Variants in NFASC observed in about 807,000 individuals in gnomAD.
The protein encoded by NFASC is neurofascin.
Under a neutral mutation model 147.5 loss-of-function variants are expected in NFASC, and 43 were observed. That is an observed-to-expected ratio of 0.29 (90% CI 0.23 to 0.38). The LOEUF (loss-of-function observed/expected upper bound fraction) is 0.38. Ranked by LOEUF, NFASC falls within the 10% of genes least tolerant of loss-of-function variation. NFASC has a pLI of 1.00. For missense variants in NFASC, 1,320 were observed against 1,689.0 expected (o/e 0.78, Z 3.83); for synonymous variants, 622 against 665.5 (o/e 0.93, Z 1.01).
intron 1 of NFASC, among the ~76,000 whole-genome samples, chr1:204,854,945 G>A (rs2102737686): frequency 6.6e-6 from 1 of 152,392 alleles, no homozygotes; most frequent in Admixed American, 6.5e-5. Context: ...CAGTGATTGA[G>A]TGTGTGCTTT....
At chr1:204,962,173 T>C (rs113639014) in intron 8 of NFASC, 15 of 1,609,546 alleles carry the variant, frequency 9.3e-6, no homozygotes, top group Non-Finnish European at 1.3e-5. Context: ...GTCGCAGCGG[T>C]AACCTTGGGA....
At chr1:204,946,839 C>T in intron 3 of NFASC, 1 of 493,542 alleles carries the variant, frequency 2.0e-6, no homozygotes, top group Non-Finnish European at 4.1e-6. Flanking sequence ...GCATGCTACC[C>T]CACAAGACCA....
At chr1:204,848,291 C>T (rs551179907) in intron 1 of NFASC, among the ~76,000 whole-genome samples, 57 of 152,260 alleles carry the variant, frequency 3.7e-4, no homozygotes, top group Middle Eastern at 3.4e-3. Context: ...AGTGCAGTGG[C>T]GCAATTACAG....
At position 204,982,001 on chromosome 1, in the gene NFASC, C is replaced by T. The variant is rs576309017; in HGVS notation, c.2451C>T (p.Ile817=). 6.3e-6 allele frequency: 10 copies of T among 1,583,530 alleles called. No homozygotes were observed. The highest frequency in any genetic ancestry group is 3.6e-5 in the Admixed American group (2 of 56,276). ...AGGGCCCTGAGCCAGAGTCCGTCAT[C>T]GGTTACTCCGGAGAAGATTGTGAGT... The part of the protein sequence containing the change: ...FGKGPEPESV[I]GYSGEDLPSA... The change falls in exon 21 of 30, where the codon ATC becomes ATT. Residue 817 remains isoleucine (I), a synonymous_variant. Coordinates refer to ENST00000339876, the MANE Select transcript of NFASC (RefSeq NM_001005388.3).
intron 10 of NFASC, among the ~76,000 whole-genome samples, chr1:204,969,494 C>T (rs2095133789): frequency 6.6e-6 from 1 of 152,164 alleles, no homozygotes; most frequent in Admixed American, 6.5e-5. Flanking sequence ...TCATGGGTCC[C>T]CACCGTGTGT....
Position 205,016,264 on chromosome 1 carries a change from C to A in NFASC, c.3492-44C>A. Reference sequence around the variant, plus strand: ...GCATGTGCTGGCAGGAGGCCAGCTGCCCCATCTCACCCCACCTGAGATTCT... The same window carrying A: ...GCATGTGCTGGCAGGAGGCCAGCTGACCCATCTCACCCCACCTGAGATTCT... On this transcript the variant is annotated intron_variant, in intron 29 of 29. Transcript: ENST00000339876. This position sits in a 1 kb window ranked among gnomAD's most constrained non-coding sequence, Gnocchi z 5.1. 1 of 1,387,110 alleles carries A rather than the reference C, an allele frequency of 7.2e-7. No homozygotes were observed. The highest frequency in any genetic ancestry group is 1.0e-6 in the Non-Finnish European group (1 of 974,496). The allele number at this position is 1,387,110 out of a possible 1,614,324, so 85.9% of individuals were successfully genotyped here.
chr1:204,877,953 A>G (rs2079378308), intron 1 of NFASC, among the ~76,000 whole-genome samples: 1 of 152,176 alleles, frequency 6.6e-6, no homozygotes, highest in South Asian at 2.1e-4. Context: ...CAAACACTGC[A>G]GCCCTTGATG....
At chr1:204,927,678 G>C (rs1389327106) in intron 2 of NFASC, among the ~76,000 whole-genome samples, 1 of 152,070 alleles carries the variant, frequency 6.6e-6, no homozygotes, top group East Asian at 1.9e-4. Context: ...TTAGGGACCT[G>C]TCACACAAGA....
rs991214402 is a variant in NFASC at position 204,975,088 on chromosome 1, G to A, written c.1559-183G>A. On this transcript the variant is annotated intron_variant, in intron 14 of 29. Transcript: ENST00000339876. This position sits in a 1 kb window ranked among gnomAD's most constrained non-coding sequence, Gnocchi z 4.0. ...CCTGAGCCAGATGGAGTGGATTTGG[G>A]GCATTATCTGCTTTGGGGATTACCC... is the stretch of plus-strand genomic sequence containing the variant. Among the ~76,000 whole-genome samples, 1 of 152,156 alleles carries A rather than the reference G, an allele frequency of 6.6e-6. No individual in the cohort carries two copies. Among genetic ancestry groups the A allele is most frequent in the African/African-American group, 2.4e-5 (1 of 41,444 alleles).
chr1:204,850,066 A>G (rs919746360), intron 1 of NFASC, among the ~76,000 whole-genome samples: 3 of 152,186 alleles, frequency 2.0e-5, no homozygotes, highest in African/African-American at 7.2e-5. Flanking sequence ...CACAGTGAGA[A>G]GAGAGGACTT....
chr1:204,855,152 G>C (rs996551507), intron 1 of NFASC, among the ~76,000 whole-genome samples: 2 of 152,214 alleles, frequency 1.3e-5, no homozygotes, highest in Admixed American at 1.3e-4. Flanking sequence ...AGTGCTCTTC[G>C]CACTATCAGA....
intron 1 of NFASC, among the ~76,000 whole-genome samples, chr1:204,889,998 C>T (rs2082071586): frequency 6.6e-6 from 1 of 152,162 alleles, no homozygotes; most frequent in Admixed American, 6.5e-5. Flanking sequence ...TGTTTATTTC[C>T]TCGGGGCTGT....
chr1:204,981,358 T>C (rs1166927306), intron 20 of NFASC, among the ~76,000 whole-genome samples: 10 of 152,396 alleles, frequency 6.6e-5, no homozygotes, highest in African/African-American at 2.4e-4. Flanking sequence ...ACAAATTCGG[T>C]AGAACTAAAG....
intron 2 of NFASC, among the ~76,000 whole-genome samples, chr1:204,936,866 A>ACT (rs200786632): frequency 4.6e-5 from 7 of 151,690 alleles, no homozygotes; most frequent in Non-Finnish European, 1.0e-4. Context: ...CATGCCCTGG[A>ACT]CTCTCTCTCT....
intron 1 of NFASC, among the ~76,000 whole-genome samples, chr1:204,834,632 T>G (rs942580909): frequency 6.6e-6 from 1 of 152,238 alleles, no homozygotes; most frequent in Non-Finnish European, 1.5e-5. Flanking sequence ...TGTTATTTTT[T>G]TTTGAGATCC....
At chr1:204,917,123 G>T (rs951819488) in intron 1 of NFASC, among the ~76,000 whole-genome samples, 1 of 152,146 alleles carries the variant, frequency 6.6e-6, no homozygotes, top group African/African-American at 2.4e-5. Context: ...AGGCTGAAGT[G>T]GGAGGATCAC....
chr1:204,872,747 T>C (rs1412597350), intron 1 of NFASC, among the ~76,000 whole-genome samples: 3 of 152,184 alleles, frequency 2.0e-5, no homozygotes, highest in South Asian at 2.1e-4. Flanking sequence ...ACAGGAGGAA[T>C]TGGTGAGATG....
At chr1:204,877,005 TA>T (rs1489967902) in intron 1 of NFASC, among the ~76,000 whole-genome samples, 1 of 103,086 alleles carries the variant, frequency 9.7e-6, no homozygotes, top group Non-Finnish European at 1.7e-5. Flanking sequence ...TGTATATATA[TA>T]TATATATATA....
intron 1 of NFASC, among the ~76,000 whole-genome samples, chr1:204,843,540 T>A (rs1675971902): frequency 6.6e-6 from 1 of 152,096 alleles, no homozygotes; most frequent in Non-Finnish European, 1.5e-5. Context: ...CTTTCTTCCC[T>A]CTCCAGGTCT....
Sources: gnomAD v4.1 joint callset for allele counts (sites outside exome capture counted in the v4.1 genomes callset) on GRCh38, gnomAD v4.1.1 for gene constraint, Gnocchi (gnomAD v3.1) non-coding constraint, MANE v1.5 for transcripts, NCBI Gene and HGNC (gene_info 2026-07-23, HGNC 2026-07-21) for gene names.